ACAD9: variants seen among roughly 807,000 people sequenced by gnomAD.
ACAD9 encodes the protein acyl-CoA dehydrogenase family member 9.
In ACAD9, 53 loss-of-function variants were observed where a neutral mutation model predicts 70.2. The observed-to-expected ratio is 0.75, with a 90% CI of 0.61 to 0.95. The LOEUF is 0.95. Ranked by LOEUF, ACAD9 falls within the 40% of genes least tolerant of loss-of-function variation. The pLI is 0.00. For synonymous variants in ACAD9, 313 were observed against 312.1 expected (o/e 1.00, Z -0.03); for missense variants, 777 against 802.8 (o/e 0.97, Z 0.39).
At position 128,895,291 on chromosome 3, in the gene ACAD9, G is replaced by A; in HGVS notation, c.347-19G>A. 6.3e-7 allele frequency: 1 copy of A among 1,591,662 alleles called. No individual in the cohort carries two copies. ...AATCTAGGGCTGGGCTGTGATTGAC[G>A]CTGGTCCATCTCTCCTAGGTGGCCT... On this transcript the variant is annotated intron_variant, in intron 3 of 17. Coordinates refer to ENST00000308982, the MANE Select transcript of ACAD9 (RefSeq NM_014049.5).
At chr3:128,886,895 T>A (rs1247313339) in intron 2 of ACAD9, among the ~76,000 whole-genome samples, 1 of 151,792 alleles carries the variant, frequency 6.6e-6, no homozygotes, top group Non-Finnish European at 1.5e-5. Context: ...TTTTTTTTTT[T>A]AACTGTCTTT....
In ACAD9 at chr3:128,893,256, A is replaced by G. The variant is rs918296485; in HGVS notation, c.245-299A>G. On this transcript the variant is annotated intron_variant, in intron 2 of 17. Transcript: ENST00000308982. ...TCCCAGCTTCTCATGAAGCTGAGGC[A>G]GGAGGCTCACTTGAGCCTGGGAGAT... Among the ~76,000 whole-genome samples the G allele has an allele frequency of 2.2e-4, 34 of 151,932 alleles. 3 individuals carry two copies. Among genetic ancestry groups the G allele is most frequent in the Non-Finnish European group, 5.9e-5 (4 of 68,008 alleles).
intron 2 of ACAD9, among the ~76,000 whole-genome samples, chr3:128,891,782 G>T (rs1305428132): frequency 5.3e-5 from 8 of 152,074 alleles, no homozygotes; most frequent in African/African-American, 1.9e-4. Flanking sequence ...TGTACATAGT[G>T]TTTTTTTCAT....
rs765869353 is a variant in ACAD9 at position 128,901,363 on chromosome 3, C to G, written c.882+14C>G. The G allele has an allele frequency of 1.2e-6, 2 of 1,614,044 alleles. No homozygotes were observed. Among genetic ancestry groups the G allele is most frequent in the South Asian group, 2.2e-5 (2 of 91,082 alleles). On this transcript the variant is annotated intron_variant, in intron 8 of 17. Coordinates refer to ENST00000308982, the MANE Select transcript of ACAD9 (RefSeq NM_014049.5). ...GATGGGTTTAAGGTGAGTTGCCAGC[C>G]ACAGCCCCTTGTACCAGGTAGTGTC...
At position 128,912,702 on chromosome 3, in the gene ACAD9, A is replaced by T. The variant is rs756903759; in HGVS notation, c.*95A>T. On this transcript the variant is annotated 3_prime_UTR_variant, in exon 18 of 18. Coordinates refer to ENST00000308982, the MANE Select transcript of ACAD9 (RefSeq NM_014049.5). ...TTTTTCAGAAGGTGTTGGGATTATC[A>T]CAGGTTAAGCCTTTTGTTCCCCGTC... 1 of 1,167,204 alleles carries T rather than the reference A, an allele frequency of 8.6e-7. No homozygotes were observed. Among genetic ancestry groups the T allele is most frequent in the Non-Finnish European group, 1.3e-6 (1 of 777,944 alleles). 72.3% of individuals were successfully genotyped at this position (1,167,204 alleles called of 1,614,324 possible). A position where few individuals can be genotyped will look rare whatever the true frequency, so the allele number is the denominator to read the frequency against.
intron 9 of ACAD9, among the ~76,000 whole-genome samples, chr3:128,903,751 G>A (rs1238913919): frequency 6.6e-6 from 1 of 152,190 alleles, no homozygotes; most frequent in Non-Finnish European, 1.5e-5. Flanking sequence ...TCTTCACAGC[G>A]ACTCTGAGGT....
chr3:128,909,196 C>T, intron 14 of ACAD9, 97 bp downstream of exon 14: 1 of 1,600,006 alleles, frequency 6.2e-7, no homozygotes, highest in Non-Finnish European at 8.5e-7. Context: ...CTGGGCTTCT[C>T]CAGGGGAAGT....
intron 1 of ACAD9, among the ~76,000 whole-genome samples, chr3:128,882,508 T>A (rs1479033504): frequency 6.6e-6 from 1 of 152,206 alleles, no homozygotes; most frequent in Non-Finnish European, 1.5e-5. Context: ...CTCACAGCCT[T>A]ACTGGGATTA....
chr3:128,881,088 A>G (rs765459595), intron 1 of ACAD9, among the ~76,000 whole-genome samples: 1 of 152,168 alleles, frequency 6.6e-6, no homozygotes, highest in Admixed American at 6.5e-5. Context: ...TCAGGCTGAT[A>G]CCTTTATAGC....
chr3:128,906,033 C>T lies in ACAD9; in HGVS notation c.1150-88C>T, dbSNP rs939197358. On this transcript the variant is annotated intron_variant, in intron 11 of 17. Coordinates refer to ENST00000308982, the MANE Select transcript of ACAD9 (RefSeq NM_014049.5). ...CTCCCTGGCCGATCTCCTCCCCAAGCCCGTGTGCCTCCCATGCCTCCCCAG... is the reference window on the plus strand; with the variant it reads ...CTCCCTGGCCGATCTCCTCCCCAAGTCCGTGTGCCTCCCATGCCTCCCCAG... 5 of 1,588,104 alleles carry T rather than the reference C, an allele frequency of 3.1e-6. No individual in the cohort carries two copies. The African/African-American group carries it at 5.4e-5, about 17-fold the overall frequency.
rs7651896 is a variant in ACAD9, at chr3:128,905,967, C to T, written c.1150-154C>T. 0.048 allele frequency among the ~76,000 whole-genome samples: 7,245 copies of T among 152,150 alleles called. 355 individuals are homozygous for T. The highest frequency in any genetic ancestry group is 0.12 in the African/African-American group (4,848 of 41,486). ...GGGAACACAAGCTGGCCAGTGTGGT[C>T]ACGGAAGGCAAAGGACTTGACCACA... On this transcript the variant is annotated intron_variant, in intron 11 of 17. Transcript: ENST00000308982.
intron 9 of ACAD9, 101 bp from the exon 10 acceptor site, chr3:128,903,961 C>A (rs1219886337): frequency 1.6e-6 from 2 of 1,269,314 alleles, no homozygotes; most frequent in Non-Finnish European, 2.3e-6. Context: ...ACGCTTCTCA[C>A]AGTGCCCACC....
intron 17 of ACAD9, among the ~76,000 whole-genome samples, chr3:128,911,456 CAT>C (rs1363017167): frequency 6.6e-6 from 1 of 151,864 alleles, no homozygotes; most frequent in Non-Finnish European, 1.5e-5. Context: ...TTTTTGGAGA[CAT>C]AGTCTCACTT....
At position 128,902,452 on chromosome 3, in the gene ACAD9, A is replaced by C; in HGVS notation, c.883-101A>C. On this transcript the variant is annotated intron_variant, in intron 8 of 17. Coordinates refer to ENST00000308982, the MANE Select transcript of ACAD9 (RefSeq NM_014049.5). This position sits in a 1 kb window ranked among gnomAD's most constrained non-coding sequence, Gnocchi z 4.0. The stretch of plus-strand genomic sequence containing the variant: ...AGGCATTAGGATGGTGCTTTCTCCC[A>C]GCTTGAGGGAAGGCAAGCTGATCCA... 8.5e-7 allele frequency: 1 copy of C among 1,173,008 alleles called. No homozygotes were observed. Among genetic ancestry groups the C allele is most frequent in the Non-Finnish European group, 1.3e-6 (1 of 780,354 alleles). The allele number at this position is 1,173,008 out of a possible 1,614,324, so 72.7% of individuals were successfully genotyped here.
Position 128,911,256 on chromosome 3 carries a change from C to G in ACAD9, c.1765+443C>G, listed in dbSNP as rs917149651. Among the ~76,000 whole-genome samples, 21 of 152,222 alleles carry G rather than the reference C, an allele frequency of 1.4e-4. 1 individual carries two copies. Among genetic ancestry groups the G allele is most frequent in the East Asian group, 9.7e-4 (5 of 5,166 alleles). On this transcript the variant is annotated intron_variant, in intron 17 of 17. Coordinates refer to ENST00000308982, the MANE Select transcript of ACAD9 (RefSeq NM_014049.5). ...TATTTTTAGTAGAAACAGGGTTTCA[C>G]CATGTTAGCCAGGCTGGTCTCCAAC...
chr3:128,902,646 A>C lies in ACAD9; in HGVS notation c.958+18A>C. 6.2e-7 allele frequency: 1 copy of C among 1,613,864 alleles called. No homozygotes were observed. The highest frequency in any genetic ancestry group is 8.5e-7 in the Non-Finnish European group (1 of 1,179,794). On this transcript the variant is annotated intron_variant, in intron 9 of 17. Coordinates refer to ENST00000308982, the MANE Select transcript of ACAD9 (RefSeq NM_014049.5). This position sits in a 1 kb window ranked among gnomAD's most constrained non-coding sequence, Gnocchi z 4.0. ...ATTGATTGGTAGGTAAGTTAGGGAC[A>C]AGGCCCTTTGTGCCCCACCCCCTGC... is the stretch of plus-strand genomic sequence containing the variant.
In ACAD9 at chr3:128,897,700, A is replaced by G. The variant is rs770234633; in HGVS notation, c.623A>G (p.Asn208Ser). The change falls in exon 6 of 18, where the codon AAT (asparagine) becomes AGT (serine). Residue 208 changes from asparagine to serine, a missense_variant. Coordinates refer to ENST00000308982, the MANE Select transcript of ACAD9 (RefSeq NM_014049.5). ...LSEDKKHYIL[N>S]GSKVWITNGG... ...GAAGACAAGAAGCACTACATCCTCA[A>G]TGGCTCCAAGGTAGGGTTCCTTCCC... The G allele has an allele frequency of 2.8e-5, 45 of 1,613,322 alleles. No individual in the cohort carries two copies. The highest frequency in any genetic ancestry group is 3.3e-4 in the Middle Eastern group (2 of 6,084).
chr3:128,908,728 A>T, intron 13 of ACAD9: 1 of 598,474 alleles, frequency 1.7e-6, no homozygotes. Context: ...CCTTCACAGG[A>T]GACAGCTGCT....
intron 7 of ACAD9, 97 bp downstream of exon 7, chr3:128,899,558 GTGTGTA>G: frequency 7.3e-7 from 1 of 1,362,898 alleles, no homozygotes; most frequent in Non-Finnish European, 1.0e-6. Context: ...GTGTGTGTGT[GTGTGTA>G]AGGGGGAGAC....
Sources: gnomAD v4.1 joint callset for allele counts (sites outside exome capture counted in the v4.1 genomes callset) on GRCh38, gnomAD v4.1.1 for gene constraint, Gnocchi (gnomAD v3.1) non-coding constraint, MANE v1.5 for transcripts, NCBI Gene and HGNC (gene_info 2026-07-23, HGNC 2026-07-21) for gene names.